The following UBE2D2 variants were observed in gnomAD, a reference collection of about 807,000 sequenced individuals.
UBE2D2 encodes ubiquitin conjugating enzyme E2 D2.
UBE2D2 carries 2 observed loss-of-function variants against 24.2 expected under a neutral mutation model. The ratio of observed to expected loss-of-function variants is 0.08; its 90% CI spans 0.03 to 0.26. The LOEUF (loss-of-function observed/expected upper bound fraction) is 0.26. UBE2D2 is among the 10% of genes least tolerant of loss of function. The pLI is 1.00. For synonymous variants in UBE2D2, 58 were observed against 56.5 expected, an observed-to-expected ratio of 1.03 and a Z score of -0.12; for missense variants, 44 against 177.6, an observed-to-expected ratio of 0.25 and a Z score of 4.28.
At chr5:139,587,241 C>G (rs1753748344) in intron 1 of UBE2D2, among the ~76,000 whole-genome samples, 1 of 152,150 alleles carries the variant, frequency 6.6e-6, no homozygotes, top group Admixed American at 6.5e-5. Flanking sequence ...AAGCCTTTAG[C>G]CCAATCGGGA....
At chr5:139,596,888 A>G (rs1198316241) in intron 1 of UBE2D2, among the ~76,000 whole-genome samples, 5 of 151,886 alleles carry the variant, frequency 3.3e-5, no homozygotes, top group Non-Finnish European at 7.4e-5. Context: ...TTCTAAAAAT[A>G]CAAAAAAAAT....
chr5:139,564,810 G>T (rs1326560299), intron 1 of UBE2D2, among the ~76,000 whole-genome samples: 1 of 152,182 alleles, frequency 6.6e-6, no homozygotes, highest in African/African-American at 2.4e-5. Context: ...ATTCCCTAGA[G>T]CTCTTCACAA....
chr5:139,593,828 C>G (rs1048151883), intron 1 of UBE2D2, among the ~76,000 whole-genome samples: 26 of 152,086 alleles, frequency 1.7e-4, no homozygotes, highest in African/African-American at 6.3e-4. Context: ...GTTGACCAGG[C>G]TGGTCTGGAG....
intron 2 of UBE2D2, among the ~76,000 whole-genome samples, chr5:139,611,850 T>C (rs1042110663): frequency 6.6e-6 from 1 of 152,194 alleles, no homozygotes; most frequent in African/African-American, 2.4e-5. Flanking sequence ...AATACCTGAT[T>C]TCTGTCCCCT....
At chr5:139,579,607 A>T (rs906610526) in intron 1 of UBE2D2, among the ~76,000 whole-genome samples, 5 of 151,986 alleles carry the variant, frequency 3.3e-5, no homozygotes, top group African/African-American at 7.2e-5. Context: ...TGTTTTTTTT[A>T]AAAAGTCTTA....
chr5:139,594,302 CT>C (rs1223585051), intron 1 of UBE2D2, among the ~76,000 whole-genome samples: 2 of 152,138 alleles, frequency 1.3e-5, no homozygotes, highest in Non-Finnish European at 2.9e-5. Flanking sequence ...ATGCCTTCCC[CT>C]CAAGGAATTT....
chr5:139,551,841 T>C (rs548604929), intron 1 of UBE2D2, among the ~76,000 whole-genome samples: 1 of 152,228 alleles, frequency 6.6e-6, no homozygotes, highest in Non-Finnish European at 1.5e-5. Context: ...AAAACCAGAC[T>C]GCTAATAAAC....
intron 1 of UBE2D2, among the ~76,000 whole-genome samples, chr5:139,534,809 A>G (rs951220856): frequency 6.6e-6 from 1 of 152,078 alleles, no homozygotes; most frequent in Non-Finnish European, 1.5e-5. Flanking sequence ...GTACAATAAT[A>G]TTTCCTATAG....
At chr5:139,555,302 A>G (rs1437576972) in intron 1 of UBE2D2, among the ~76,000 whole-genome samples, 1 of 152,072 alleles carries the variant, frequency 6.6e-6, no homozygotes, top group Non-Finnish European at 1.5e-5. Flanking sequence ...TGGCCTCCCA[A>G]AGTGTTGGGA....
intron 1 of UBE2D2, among the ~76,000 whole-genome samples, chr5:139,532,477 G>A (rs1157537539): frequency 2.6e-5 from 4 of 151,624 alleles, no homozygotes; most frequent in African/African-American, 4.8e-5. Context: ...TCAGCCTCCC[G>A]AGTAGCTGGG....
chr5:139,580,484 C>T lies in UBE2D2; in HGVS notation c.24+18669C>T, dbSNP rs546983887. Among the ~76,000 whole-genome samples, 23 of 152,132 alleles carry T rather than the reference C, an allele frequency of 1.5e-4. No homozygotes were observed. The East Asian group carries it at 3.3e-3, about 22-fold the overall frequency. On this transcript the variant is annotated intron_variant, in intron 1 of 6. Coordinates refer to ENST00000398733, the MANE Select transcript of UBE2D2 (RefSeq NM_003339.3). ...CTACAAATTTTTTTCTTTTTTGAAA[C>T]GGAGTCTCGCTGCGTGACCCAGGCT...
At chr5:139,534,142 T>A (rs1752633220) in intron 1 of UBE2D2, among the ~76,000 whole-genome samples, 1 of 151,718 alleles carries the variant, frequency 6.6e-6, no homozygotes, top group African/African-American at 2.4e-5. Context: ...CTTCTGGAAA[T>A]TTATTACAGG....
At chr5:139,582,499 C>T (rs1460110923) in intron 1 of UBE2D2, among the ~76,000 whole-genome samples, 2 of 151,972 alleles carry the variant, frequency 1.3e-5, no homozygotes, top group African/African-American at 4.8e-5. Context: ...GCGTGAGCCA[C>T]TGTGCCTGGC....
At chr5:139,604,426 C>T (rs758449525) in intron 2 of UBE2D2, among the ~76,000 whole-genome samples, 1 of 152,084 alleles carries the variant, frequency 6.6e-6, no homozygotes, top group Non-Finnish European at 1.5e-5. Flanking sequence ...GCATGAGCCA[C>T]CCCACCCAGC....
chr5:139,603,579 G>A (rs568313625), intron 2 of UBE2D2, among the ~76,000 whole-genome samples: 65 of 124,384 alleles, frequency 5.2e-4, no homozygotes, highest in Admixed American at 9.1e-4. Context: ...CCGAGATCCC[G>A]CCACTACACT....
chr5:139,627,150 A>G lies in UBE2D2; in HGVS notation c.*349A>G. 4.8e-6 allele frequency: 1 copy of G among 210,368 alleles called. No homozygotes were observed. Among genetic ancestry groups the G allele is most frequent in the Non-Finnish European group, 9.5e-6 (1 of 105,234 alleles). 13.0% of individuals were successfully genotyped at this position (210,368 alleles called of 1,614,324 possible). On this transcript the variant is annotated 3_prime_UTR_variant, in exon 7 of 7. Coordinates refer to ENST00000398733, the MANE Select transcript of UBE2D2 (RefSeq NM_003339.3). Reference sequence around the variant, plus strand: ...GGTATGGTGTGTGCTTGGATGGGAAAGAAAAGGCTCCACTCACCTATAGGA... The same window carrying G: ...GGTATGGTGTGTGCTTGGATGGGAAGGAAAAGGCTCCACTCACCTATAGGA...
intron 1 of UBE2D2, among the ~76,000 whole-genome samples, chr5:139,588,036 T>C (rs1753768720): frequency 6.6e-6 from 1 of 152,120 alleles, no homozygotes; most frequent in Non-Finnish European, 1.5e-5. Context: ...TCTCCATAGC[T>C]CACTGCAGTC....
intron 1 of UBE2D2, 199 bp from the exon 2 acceptor site, chr5:139,600,173 C>T: frequency 1.5e-6 from 1 of 667,654 alleles, no homozygotes; most frequent in Non-Finnish European, 2.7e-6. Context: ...AAATGACCCA[C>T]TTTAAAAAAA....
chr5:139,615,497 G>A (rs1412291047), intron 5 of UBE2D2, among the ~76,000 whole-genome samples: 9 of 151,480 alleles, frequency 5.9e-5, no homozygotes, highest in African/African-American at 2.2e-4. Flanking sequence ...AAAAAAAAAA[G>A]AAGATGGACA....
Sources: allele counts gnomAD v4.1 joint callset (sites outside exome capture counted in the v4.1 genomes callset), GRCh38; gene constraint gnomAD v4.1.1; transcripts MANE v1.5; gene names NCBI Gene and HGNC (gene_info 2026-07-23, HGNC 2026-07-21).